SCLY: variants seen among roughly 807,000 people sequenced by gnomAD.
SCLY encodes the protein putative selenocysteine lyase.
A neutral mutation model predicts 50.1 loss-of-function variants in SCLY; 38 were observed. The observed-to-expected ratio is 0.76, with a 90% CI of 0.59 to 0.99. The LOEUF (loss-of-function observed/expected upper bound fraction) is 0.99, where lower values mean the gene tolerates loss of function less well. SCLY is among the 50% of genes least tolerant of loss of function. The probability of loss-of-function intolerance (pLI) is 0.00; values close to 1 mark genes in which losing one functional copy is unlikely to be tolerated. For missense variants in SCLY, 600 were observed against 620.0 expected (o/e 0.97, Z 0.34); for synonymous variants, 243 against 249.4 (o/e 0.97, Z 0.24).
chr2:238,094,443 C>A lies in SCLY; in HGVS notation c.1029C>A (p.Ile343=), dbSNP rs1159433079. ...AGGCTGAATTCGGTCAGAAGAGAAT[C>A]CATCTGAATAGCCAGTTTCCAGGCA... ...RLEAEFGQKR[I]HLNSQFPGTQ... Residue 343 remains isoleucine (I), a synonymous_variant, in exon 10 of 12, where the codon ATC becomes ATA. Coordinates refer to ENST00000254663, the MANE Select transcript of SCLY (RefSeq NM_016510.7). The A allele has an allele frequency of 1.9e-6, 3 of 1,613,848 alleles. No homozygotes were observed. The highest frequency in any genetic ancestry group is 2.7e-5 in the African/African-American group (2 of 74,938).
intron 1 of SCLY, among the ~76,000 whole-genome samples, chr2:238,063,921 A>C (rs1308125457): frequency 6.6e-6 from 1 of 152,002 alleles, no homozygotes; most frequent in Non-Finnish European, 1.5e-5. Flanking sequence ...TTGTTATTAG[A>C]GACTGGGTCT....
rs2065071316 is a variant in SCLY at position 238,066,356 on chromosome 2, C to T, written c.203-1709C>T. On this transcript the variant is annotated intron_variant, in intron 2 of 11. Coordinates refer to ENST00000254663, the MANE Select transcript of SCLY (RefSeq NM_016510.7). The surrounding 1 kb of genome is among the most constrained non-coding windows in gnomAD (Gnocchi z 4.1). ...TCTTCTCTTAGTATCATCATGAAAA[C>T]AGTTTTGACTTTGTGGACCTCCTGA... Among the ~76,000 whole-genome samples the T allele has an allele frequency of 6.6e-6, 1 of 152,208 alleles. No homozygotes were observed. Among genetic ancestry groups the T allele is most frequent in the Non-Finnish European group, 1.5e-5 (1 of 68,034 alleles).
intron 1 of SCLY, chr2:238,061,407 G>A: frequency 1.6e-6 from 1 of 637,948 alleles, no homozygotes; most frequent in South Asian, 1.6e-5. Context: ...AGGTTCTGGG[G>A]AAGCAGAGCC....
chr2:238,087,205 G>GTCTC (rs2065307971), intron 7 of SCLY, among the ~76,000 whole-genome samples: 1 of 151,234 alleles, frequency 6.6e-6, no homozygotes, highest in African/African-American at 2.4e-5. Context: ...CGGGCCTGTA[G>GTCTC]TCTCAGCTAT....
At chr2:238,074,094 G>A (rs2065150934) in intron 4 of SCLY, among the ~76,000 whole-genome samples, 1 of 152,040 alleles carries the variant, frequency 6.6e-6, no homozygotes, top group African/African-American at 2.4e-5. Context: ...ATCACTTGAG[G>A]TCAGGAGTTC....
intron 10 of SCLY, 110 bp from the exon 11 acceptor site, chr2:238,096,691 A>T: frequency 1.7e-6 from 2 of 1,172,848 alleles, no homozygotes; most frequent in South Asian, 1.3e-5. Context: ...GAATTCCACC[A>T]GGTGGCACAG....
intron 1 of SCLY, chr2:238,061,522 TATGGGGCCTC>T (rs2065018621): frequency 6.3e-6 from 1 of 158,966 alleles, no homozygotes; most frequent in Non-Finnish European, 1.6e-5. Flanking sequence ...TTCGGAGCCT[TATGGGGCCTC>T]GGAAGTTGAT....
chr2:238,069,361 A>T lies in SCLY; in HGVS notation c.368A>T (p.His123Leu). Residue 123 changes from histidine (H) to leucine (L), a missense_variant, in exon 4 of 12, where the codon CAC becomes CTC. Coordinates refer to ENST00000254663, the MANE Select transcript of SCLY (RefSeq NM_016510.7). This position sits in a 1 kb window ranked among gnomAD's most constrained non-coding sequence, Gnocchi z 5.0. ...HFHANQTSKG[H>L]TGGHHSPVKG... ...CACGCAAACCAGACCTCAAAGGGAC[A>T]CACAGGTGGGCACCACAGCCCAGTG... 6.2e-7 allele frequency: 1 copy of T among 1,614,224 alleles called. No individual in the cohort carries two copies. Among genetic ancestry groups the T allele is most frequent in the Non-Finnish European group, 8.5e-7 (1 of 1,180,026 alleles).
intron 8 of SCLY, chr2:238,091,550 C>CG: frequency 7.6e-5 from 31 of 408,554 alleles, no homozygotes; most frequent in East Asian, 1.4e-4. Context: ...GCAGGTTCAC[C>CG]ATTCCCAAAG....
At chr2:238,068,202 T>C (rs1238483882) in intron 3 of SCLY, 37 bp downstream of exon 3, 5 of 1,326,402 alleles carry the variant, frequency 3.8e-6, no homozygotes, top group Non-Finnish European at 5.3e-6. Flanking sequence ...CTGTTAACTG[T>C]AAGTTATAAT....
intron 6 of SCLY, chr2:238,082,831 A>G (rs1184288352): frequency 1.3e-5 from 4 of 298,758 alleles, no homozygotes; most frequent in Admixed American, 8.7e-5. Flanking sequence ...AGAGTTCTGC[A>G]TTGTGTCAGT....
In SCLY at chr2:238,096,811, G is replaced by T. The variant is rs1356034846; in HGVS notation, c.1119G>T (p.Val373=). The T allele has an allele frequency of 6.2e-7, 1 of 1,610,730 alleles. No homozygotes were observed. The highest frequency in any genetic ancestry group is 8.5e-7 in the Non-Finnish European group (1 of 1,179,062). Residue 373 remains valine, a synonymous_variant, in exon 11 of 12, where the codon GTG becomes GTT. Transcript: ENST00000254663. ...GCTCTGTCTCCGCAGGCCACGTGGT[G>T]CTTGCGCAGTGCCGAGTGCTGATGG... The part of the protein sequence containing the change: ...IRGPRLQGHV[V]LAQCRVLMAS...
chr2:238,090,787 C>T (rs564996185), intron 7 of SCLY, among the ~76,000 whole-genome samples: 61 of 152,008 alleles, frequency 4.0e-4, no homozygotes, highest in Non-Finnish European at 5.0e-4. Context: ...CACCCACACG[C>T]GCTTGCACAC....
At position 238,081,769 on chromosome 2, in the gene SCLY, C is replaced by A. The variant is rs182498062; in HGVS notation, c.545C>A (p.Ala182Glu). 2.5e-6 allele frequency: 4 copies of A among 1,614,214 alleles called. No homozygotes were observed. The highest frequency in any genetic ancestry group is 1.7e-5 in the Admixed American group (1 of 60,026). The change falls in exon 5 of 12, where the codon GCG becomes GAG. Residue 182 changes from alanine (A) to glutamate (E), a missense_variant. Ala to Glu is a moderately radical substitution (Grantham distance 107). Coordinates refer to ENST00000254663, the MANE Select transcript of SCLY (RefSeq NM_016510.7). ...SGQAEVDDIL[A>E]AVRPTTRLVT... Reference sequence around the variant, plus strand: ...CAGGCAGAGGTGGACGACATCCTCGCGGCAGTCCGCCCGACCACACGCCTC... The same window carrying A: ...CAGGCAGAGGTGGACGACATCCTCGAGGCAGTCCGCCCGACCACACGCCTC...
intron 1 of SCLY, among the ~76,000 whole-genome samples, chr2:238,062,932 TATACAG>T (rs2106433914): frequency 6.6e-6 from 1 of 152,362 alleles, no homozygotes; most frequent in East Asian, 1.9e-4. Context: ...AGTAAAAAGA[TATACAG>T]ATAAATTTTA....
intron 8 of SCLY, chr2:238,093,400 A>G (rs1478899429): frequency 1.1e-5 from 2 of 189,662 alleles, no homozygotes; most frequent in Non-Finnish European, 2.2e-5. Context: ...TCCACCCGCC[A>G]CGCCAGGCCC....
At chr2:238,082,424 G>A (rs377097156) in intron 6 of SCLY, among the ~76,000 whole-genome samples, 8 of 152,324 alleles carry the variant, frequency 5.3e-5, no homozygotes, top group African/African-American at 1.4e-4. Flanking sequence ...GATGGGGGGG[G>A]TGCCCAGCCC....
At chr2:238,072,163 G>A (rs534120133) in intron 4 of SCLY, among the ~76,000 whole-genome samples, 5 of 151,908 alleles carry the variant, frequency 3.3e-5, no homozygotes, top group African/African-American at 7.2e-5. Flanking sequence ...TCTTTTTGAC[G>A]GGCTTCTTCC....
At chr2:238,094,321 C>T in intron 9 of SCLY, 99 bp from the exon 10 acceptor site, 4 of 978,620 alleles carry the variant, frequency 4.1e-6, no homozygotes, top group Non-Finnish European at 6.4e-6. Flanking sequence ...AAAGTATGCA[C>T]CTGCTGAAGT....
Sources: gnomAD v4.1 joint callset for allele counts (sites outside exome capture counted in the v4.1 genomes callset) on GRCh38, gnomAD v4.1.1 for gene constraint, Gnocchi (gnomAD v3.1) non-coding constraint, MANE v1.5 for transcripts, NCBI Gene and HGNC (gene_info 2026-07-23, HGNC 2026-07-21) for gene names.